CTIF: variants seen among roughly 807,000 people sequenced by gnomAD.
CTIF encodes the protein cap binding complex dependent translation initiation factor.
CTIF carries 21 observed loss-of-function variants against 66.0 expected under a neutral mutation model. That is an observed-to-expected ratio of 0.32 (90% CI 0.23 to 0.46). The LOEUF is 0.46. Among genes scored for constraint, CTIF ranks in the 20% least tolerant of loss-of-function variants. CTIF has a pLI of 1.00. For missense variants in CTIF, 739 were observed against 812.7 expected (o/e 0.91, Z 1.10); for synonymous variants, 345 against 326.4 (o/e 1.06, Z -0.62).
chr18:48,741,274 G>GC (rs759009342), intron 7 of CTIF, among the ~76,000 whole-genome samples: 3,762 of 99,166 alleles, frequency 0.038, 232 homozygotes, highest in Non-Finnish European at 0.06. Context: ...TCTTTACTCT[G>GC]CCCCCGCCCC....
At chr18:48,737,058 G>A (rs2092509570) in intron 7 of CTIF, among the ~76,000 whole-genome samples, 1 of 152,120 alleles carries the variant, frequency 6.6e-6, no homozygotes, top group Non-Finnish European at 1.5e-5. Flanking sequence ...GCAGTCCTGT[G>A]CCCCACTGCT....
chr18:48,736,330 G>A (rs1435210115), intron 7 of CTIF, among the ~76,000 whole-genome samples: 1 of 152,190 alleles, frequency 6.6e-6, no homozygotes, highest in Non-Finnish European at 1.5e-5. Context: ...TCTGCACTCG[G>A]CATGCTCTGG....
chr18:48,587,427 A>AT (rs1270175608), intron 1 of CTIF, among the ~76,000 whole-genome samples: 1 of 151,728 alleles, frequency 6.6e-6, no homozygotes, highest in African/African-American at 2.4e-5. Context: ...TGAGGGTACA[A>AT]TTTTTAATAC....
intron 3 of CTIF, 84 bp from the exon 4 acceptor site, chr18:48,663,660 TCCAGCCCC>T (rs2091384783): frequency 2.5e-6 from 3 of 1,197,616 alleles, no homozygotes; most frequent in South Asian, 1.2e-5. Context: ...GGGGGCTCAC[TCCAGCCCC>T]CCAGCCCCTC....
intron 4 of CTIF, 51 bp downstream of exon 4, chr18:48,663,876 C>T (rs2091389514): frequency 6.5e-7 from 1 of 1,541,846 alleles, no homozygotes; most frequent in Non-Finnish European, 9.0e-7. Context: ...GCCGGGGAAA[C>T]TGGCTTCCTT....
intron 7 of CTIF, among the ~76,000 whole-genome samples, chr18:48,715,370 T>C (rs893271236): frequency 2.0e-5 from 3 of 152,240 alleles, no homozygotes; most frequent in African/African-American, 7.2e-5. Flanking sequence ...TTTGCTGATT[T>C]CAGACAAAAT....
At chr18:48,811,365 T>C (rs1252437365) in intron 9 of CTIF, among the ~76,000 whole-genome samples, 1 of 152,200 alleles carries the variant, frequency 6.6e-6, no homozygotes, top group Non-Finnish European at 1.5e-5. Flanking sequence ...ATAAATTTTG[T>C]TGGCCATAAC....
rs568717202 is a variant in CTIF, at chr18:48,637,939, A to G, written c.252+1254A>G. 2.0e-5 allele frequency among the ~76,000 whole-genome samples: 3 copies of G among 152,188 alleles called. No individual in the cohort carries two copies. In the East Asian group the frequency reaches 5.8e-4, roughly 29 times the overall value. On this transcript the variant is annotated intron_variant, in intron 3 of 11. Transcript: ENST00000256413. ...CTCGACGGCCTCTGAGGGTCCTTCTAACATCTCCGTGCCATTTGCAGATGA... is the reference window on the plus strand; with the variant it reads ...CTCGACGGCCTCTGAGGGTCCTTCTGACATCTCCGTGCCATTTGCAGATGA...
At chr18:48,608,605 TG>T (rs1447251022) in intron 1 of CTIF, among the ~76,000 whole-genome samples, 1 of 152,056 alleles carries the variant, frequency 6.6e-6, no homozygotes, top group Non-Finnish European at 1.5e-5. Flanking sequence ...GAGCTGTTCT[TG>T]AGGATGAGTA....
intron 1 of CTIF, among the ~76,000 whole-genome samples, chr18:48,542,576 A>G (rs1350882558): frequency 6.6e-6 from 1 of 152,252 alleles, no homozygotes; most frequent in Non-Finnish European, 1.5e-5. Context: ...AGCCTCACTT[A>G]GGCCAGATAC....
rs2069417965 is a variant in CTIF, at chr18:48,859,741, C to G, written c.*182C>G. The stretch of plus-strand genomic sequence containing the variant: ...GGAGCAAATCCCTGAGAGGAGTGCC[C>G]CCGCACAAGCCCCCCAGCCCGAGCA... On this transcript the variant is annotated 3_prime_UTR_variant, in exon 12 of 12. Coordinates refer to ENST00000256413, the MANE Select transcript of CTIF (RefSeq NM_014772.3). The G allele has an allele frequency of 1.4e-6, 1 of 698,606 alleles. No homozygotes were observed. The highest frequency in any genetic ancestry group is 1.7e-5 in the African/African-American group (1 of 57,184). The allele number at this position is 698,606 out of a possible 1,614,324, so 43.3% of individuals were successfully genotyped here.
chr18:48,649,253 A>G (rs1454957380), intron 3 of CTIF, among the ~76,000 whole-genome samples: 2 of 152,156 alleles, frequency 1.3e-5, no homozygotes, highest in African/African-American at 2.4e-5. Flanking sequence ...CTCCCACCCA[A>G]ATACTGCACT....
At chr18:48,640,284 G>A (rs534961525) in intron 3 of CTIF, among the ~76,000 whole-genome samples, 12 of 152,338 alleles carry the variant, frequency 7.9e-5, no homozygotes, top group South Asian at 4.1e-4. Context: ...GCTGTTCCGC[G>A]CACACCTGCC....
intron 3 of CTIF, among the ~76,000 whole-genome samples, chr18:48,651,528 C>T (rs2091155733): frequency 6.6e-6 from 1 of 152,204 alleles, no homozygotes; most frequent in African/African-American, 2.4e-5. Flanking sequence ...GAGACTTTAA[C>T]ACCGCACTGT....
At chr18:48,775,684 G>C (rs778502605) in intron 9 of CTIF, among the ~76,000 whole-genome samples, 3 of 152,270 alleles carry the variant, frequency 2.0e-5, no homozygotes, top group Non-Finnish European at 2.9e-5. Context: ...AACATCAGAG[G>C]AAGGGGCAAG....
chr18:48,624,730 C>T (rs2090562738), intron 2 of CTIF, among the ~76,000 whole-genome samples: 2 of 152,188 alleles, frequency 1.3e-5, no homozygotes, highest in Admixed American at 6.5e-5. Context: ...ACTCTGATTG[C>T]CACAGTGGGA....
At chr18:48,571,313 C>A (rs184294353) in intron 1 of CTIF, among the ~76,000 whole-genome samples, 2 of 152,230 alleles carry the variant, frequency 1.3e-5, no homozygotes, top group African/African-American at 2.4e-5. Context: ...GGCGCCACCA[C>A]GCCCGGCTAA....
At chr18:48,598,412 C>T (rs1294436976) in intron 1 of CTIF, among the ~76,000 whole-genome samples, 1 of 152,208 alleles carries the variant, frequency 6.6e-6, no homozygotes, top group African/African-American at 2.4e-5. Flanking sequence ...GCTCTGAGGC[C>T]AAGGTAGCAC....
chr18:48,542,626 G>A (rs1466771357), intron 1 of CTIF, among the ~76,000 whole-genome samples: 1 of 152,200 alleles, frequency 6.6e-6, no homozygotes, highest in Non-Finnish European at 1.5e-5. Context: ...AGATAGTTAA[G>A]TTGCAATGCA....
Sources: allele counts gnomAD v4.1 joint callset (sites outside exome capture counted in the v4.1 genomes callset), GRCh38; gene constraint gnomAD v4.1.1; transcripts MANE v1.5; gene names NCBI Gene and HGNC (gene_info 2026-07-23, HGNC 2026-07-21).